GAD2: variants seen among roughly 807,000 people sequenced by gnomAD.
GAD2 encodes the protein 65 kDa glutamic acid decarboxylase.
A neutral mutation model predicts 80.1 loss-of-function variants in GAD2; 22 were observed. That is an observed-to-expected ratio of 0.27 (90% CI 0.20 to 0.39). The LOEUF is 0.39. GAD2 is among the 10% of genes least tolerant of loss of function. The probability of loss-of-function intolerance (pLI) is 1.00; values close to 1 mark genes in which losing one functional copy is unlikely to be tolerated. For synonymous variants in GAD2, 274 were observed against 256.9 expected, an observed-to-expected ratio of 1.07 and a Z score of -0.64; for missense variants, 624 against 738.4, an observed-to-expected ratio of 0.85 and a Z score of 1.80.
chr10:26,269,786 T>C (rs907831260), intron 9 of GAD2, among the ~76,000 whole-genome samples: 11 of 152,224 alleles, frequency 7.2e-5, no homozygotes, highest in African/African-American at 2.7e-4. Context: ...AACATACACA[T>C]GCATTTTATC....
At chr10:26,228,570 C>T (rs1442872027) in intron 6 of GAD2, among the ~76,000 whole-genome samples, 1 of 152,156 alleles carries the variant, frequency 6.6e-6, no homozygotes, top group Admixed American at 6.5e-5. Context: ...GGTCTGCGGT[C>T]TATTAGGAAC....
At chr10:26,275,440 T>G (rs1845188958) in intron 11 of GAD2, among the ~76,000 whole-genome samples, 1 of 152,178 alleles carries the variant, frequency 6.6e-6, no homozygotes, top group African/African-American at 2.4e-5. Flanking sequence ...GCTTAGAACG[T>G]TCATCAGGGA....
Position 26,302,948 on chromosome 10 carries a change from C to T in GAD2, c.*1987C>T, listed in dbSNP as rs1354065505. 1 of 152,196 alleles carries T rather than the reference C, an allele frequency of 6.6e-6. No homozygotes were observed. Among genetic ancestry groups the T allele is most frequent in the African/African-American group, 2.4e-5 (1 of 41,444 alleles). The allele number at this position is 152,196 out of a possible 1,614,324, so 9.4% of individuals were successfully genotyped here. On this transcript the variant is annotated 3_prime_UTR_variant, in exon 16 of 16. Transcript: ENST00000376261. Reference sequence around the variant, plus strand: ...AAGCATTAGAAAGCAGTTCCTTTCTCAAAACTGCCTGCTGAGAATAAGCAC... The same window carrying T: ...AAGCATTAGAAAGCAGTTCCTTTCTTAAAACTGCCTGCTGAGAATAAGCAC...
intron 6 of GAD2, 120 bp from the exon 7 acceptor site, chr10:26,229,542 T>A (rs1844572066): frequency 1.5e-6 from 1 of 673,826 alleles, no homozygotes; most frequent in Non-Finnish European, 2.6e-6. Context: ...TTAAAGATAG[T>A]CAATAGGTTT....
At chr10:26,272,079 T>C (rs191528520) in intron 10 of GAD2, among the ~76,000 whole-genome samples, 1 of 152,214 alleles carries the variant, frequency 6.6e-6, no homozygotes, top group East Asian at 1.9e-4. Flanking sequence ...TTCTTTTCTT[T>C]AGGGGCAGAA....
At chr10:26,259,469 G>A (rs973861814) in intron 8 of GAD2, among the ~76,000 whole-genome samples, 2 of 152,020 alleles carry the variant, frequency 1.3e-5, no homozygotes, top group African/African-American at 2.4e-5. Flanking sequence ...CTGATGATTA[G>A]TGGTGTTGAG....
At chr10:26,299,862 G>A (rs1834310772) in intron 15 of GAD2, among the ~76,000 whole-genome samples, 2 of 152,190 alleles carry the variant, frequency 1.3e-5, no homozygotes, top group Admixed American at 1.3e-4. Flanking sequence ...ATCTTGAAGT[G>A]TGTGTAGGAT....
intron 6 of GAD2, among the ~76,000 whole-genome samples, chr10:26,227,184 G>A (rs920571543): frequency 2.0e-5 from 3 of 152,112 alleles, no homozygotes; most frequent in Non-Finnish European, 2.9e-5. Context: ...GTAGAGATGG[G>A]GTTTCACCAT....
chr10:26,260,472 T>TA (rs2132298292), intron 8 of GAD2, among the ~76,000 whole-genome samples: 1 of 151,934 alleles, frequency 6.6e-6, no homozygotes, highest in African/African-American at 2.4e-5. Flanking sequence ...CTACTAAAAA[T>TA]AAAAAATTAG....
At position 26,292,466 on chromosome 10, in the gene GAD2, G is replaced by A; in HGVS notation, c.1388G>A (p.Gly463Glu). 6.2e-7 allele frequency: 1 copy of A among 1,612,592 alleles called. No homozygotes were observed. The highest frequency in any genetic ancestry group is 1.3e-5 in the African/African-American group (1 of 74,968). Residue 463 changes from glycine to glutamate, a missense_variant and splice_region_variant, in exon 14 of 16, where the codon GGG becomes GAG. Coordinates refer to ENST00000376261, the MANE Select transcript of GAD2 (RefSeq NM_001134366.2). ...FKLWLMWRAK[G>E]TTGFEAHVDK... ...GAGCTGTGTCCTTCTCTTACCTAGGGGACTACCGGGTTTGAAGCGCATGTT... is the reference window on the plus strand; with the variant it reads ...GAGCTGTGTCCTTCTCTTACCTAGGAGACTACCGGGTTTGAAGCGCATGTT...
upstream of GAD2, chr10:26,216,697 C>T (rs1844375215): frequency 1.4e-6 from 1 of 720,730 alleles, no homozygotes; most frequent in South Asian, 2.1e-5. The surrounding 1 kb of genome is among the most constrained non-coding windows in gnomAD (Gnocchi z 4.7). Context: ...CGCCGGTCCC[C>T]GCGCGGTGCC....
At chr10:26,221,001 G>T (rs908217626) in intron 4 of GAD2, among the ~76,000 whole-genome samples, 1 of 152,230 alleles carries the variant, frequency 6.6e-6, no homozygotes, top group Admixed American at 6.5e-5. Flanking sequence ...GATGGATTAA[G>T]TTGGATTTCT....
At chr10:26,262,707 T>C (rs565122044) in intron 8 of GAD2, among the ~76,000 whole-genome samples, 3 of 152,340 alleles carry the variant, frequency 2.0e-5, no homozygotes, top group Non-Finnish European at 4.4e-5. Context: ...AGGATGCTTC[T>C]CATGTTTTTG....
At chr10:26,273,756 A>C in intron 11 of GAD2, 56 bp downstream of exon 11, 1 of 1,438,458 alleles carries the variant, frequency 7.0e-7, no homozygotes, top group Non-Finnish European at 9.8e-7. Flanking sequence ...ACTGTGAAAC[A>C]CAAATTACAG....
At chr10:26,216,723 G>T, upstream of GAD2, 1 of 1,144,946 alleles carries the variant, frequency 8.7e-7, no homozygotes. This position sits in a 1 kb window ranked among gnomAD's most constrained non-coding sequence, Gnocchi z 4.7. Flanking sequence ...CCCGCCACAC[G>T]GGCACGCACG....
intron 7 of GAD2, among the ~76,000 whole-genome samples, chr10:26,230,687 G>A (rs990005882): frequency 5.9e-5 from 9 of 151,964 alleles, no homozygotes; most frequent in Non-Finnish European, 8.8e-5. Flanking sequence ...CTTCCACCTC[G>A]GCCTCCCAAA....
rs776941115 is a variant in GAD2, at chr10:26,259,244, G to A, written c.921-9875G>A. On this transcript the variant is annotated intron_variant, in intron 8 of 15. Transcript: ENST00000376261. ...AACAGTTGAATTGCTGGATCACATG[G>A]TAATTCTATCTTTAATTTTTTGAGG... is the stretch of plus-strand genomic sequence containing the variant. Among the ~76,000 whole-genome samples the A allele has an allele frequency of 2.6e-4, 40 of 152,280 alleles. No individual in the cohort carries two copies. The East Asian group carries it at 3.1e-3, about 12-fold the overall frequency.
rs143991919 is a variant in GAD2 at position 26,243,742 on chromosome 10, C to A, written c.841-2179C>A. On this transcript the variant is annotated intron_variant, in intron 7 of 15. Transcript: ENST00000376261. ...GACTCAGGCTTGGCAGTTGCCTGTGCAACAAATAGCCCCTCCAGCAACTGG... is the reference window on the plus strand; with the variant it reads ...GACTCAGGCTTGGCAGTTGCCTGTGAAACAAATAGCCCCTCCAGCAACTGG... 2.7e-3 allele frequency among the ~76,000 whole-genome samples: 416 copies of A among 152,354 alleles called. 3 individuals carry two copies. Among genetic ancestry groups the A allele is most frequent in the African/African-American group, 9.3e-3 (388 of 41,582 alleles).
chr10:26,241,959 C>T (rs2132284981), intron 7 of GAD2, among the ~76,000 whole-genome samples: 1 of 151,368 alleles, frequency 6.6e-6, no homozygotes, highest in Non-Finnish European at 1.5e-5. Flanking sequence ...ACTGTTGAAT[C>T]ACTGGTTCCA....
Sources: allele counts gnomAD v4.1 joint callset (sites outside exome capture counted in the v4.1 genomes callset), GRCh38; gene constraint gnomAD v4.1.1; non-coding constraint Gnocchi (gnomAD v3.1); transcripts MANE v1.5; gene names NCBI Gene and HGNC (gene_info 2026-07-23, HGNC 2026-07-21).